PCDH15: variants seen among roughly 807,000 people sequenced by gnomAD.
The protein encoded by PCDH15 is protocadherin related 15.
A neutral mutation model predicts 178.5 loss-of-function variants in PCDH15; 129 were observed. That is an observed-to-expected ratio of 0.72 (90% CI 0.63 to 0.84). The LOEUF (loss-of-function observed/expected upper bound fraction) is 0.84. Among genes scored for constraint, PCDH15 ranks in the 40% least tolerant of loss-of-function variants. The probability of loss-of-function intolerance (pLI) is 0.00; values close to 1 mark genes in which losing one functional copy is unlikely to be tolerated. For synonymous variants in PCDH15, 800 were observed against 732.0 expected, an observed-to-expected ratio of 1.09 and a Z score of -1.50; for missense variants, 2,230 against 2,099.9, an observed-to-expected ratio of 1.06 and a Z score of -1.21.
At chr10:54,811,000 G>A (rs1465454239) in intron 3 of PCDH15, among the ~76,000 whole-genome samples, 1 of 152,078 alleles carries the variant, frequency 6.6e-6, no homozygotes, top group Non-Finnish European at 1.5e-5. Flanking sequence ...AGTATCTGTA[G>A]AAATTCATAA....
intron 31 of PCDH15, 85 bp from the exon 32 acceptor site, chr10:53,827,633 A>C: frequency 4.0e-6 from 6 of 1,487,130 alleles, no homozygotes; most frequent in Non-Finnish European, 5.6e-6. Flanking sequence ...AATGGGGTCC[A>C]GTTATCAGGG....
At chr10:55,442,889 A>C (rs1020778454) in intron 2 of PCDH15, among the ~76,000 whole-genome samples, 1 of 152,058 alleles carries the variant, frequency 6.6e-6, no homozygotes, top group Non-Finnish European at 1.5e-5. Flanking sequence ...TTTTGTCCCA[A>C]TTTTAAAAAG....
intron 3 of PCDH15, among the ~76,000 whole-genome samples, chr10:54,475,312 T>C (rs1000002847): frequency 3.9e-5 from 6 of 151,990 alleles, no homozygotes; most frequent in African/African-American, 1.4e-4. Context: ...CTTAAAACTT[T>C]ATTTAAGAAC....
intron 15 of PCDH15, among the ~76,000 whole-genome samples, chr10:54,096,429 C>T (rs1022875864): frequency 6.6e-6 from 1 of 152,074 alleles, no homozygotes; most frequent in Non-Finnish European, 1.5e-5. Flanking sequence ...ATTTATCATA[C>T]TTCCTGTTTT....
At chr10:54,575,782 T>A (rs1442118388) in intron 2 of PCDH15, among the ~76,000 whole-genome samples, 1 of 152,204 alleles carries the variant, frequency 6.6e-6, no homozygotes, top group African/African-American at 2.4e-5. Flanking sequence ...TGTAAATTAG[T>A]TCTCAGACAC....
chr10:54,377,104 G>A (rs1314931616), intron 4 of PCDH15, among the ~76,000 whole-genome samples: 1 of 151,842 alleles, frequency 6.6e-6, no homozygotes, highest in Non-Finnish European at 1.5e-5. Context: ...ACAGCAAAAT[G>A]AACAGCATAA....
intron 18 of PCDH15, among the ~76,000 whole-genome samples, chr10:54,061,101 T>A (rs2094004308): frequency 6.6e-6 from 1 of 152,100 alleles, no homozygotes; most frequent in Non-Finnish European, 1.5e-5. Context: ...GCAGATTTGA[T>A]CAGAATATGA....
At chr10:54,997,115 A>G (rs934272036) in intron 2 of PCDH15, among the ~76,000 whole-genome samples, 6 of 151,644 alleles carry the variant, frequency 4.0e-5, no homozygotes, top group African/African-American at 1.2e-4. Flanking sequence ...TAGTCTCAAA[A>G]AAAAAAAAAA....
intron 9 of PCDH15, among the ~76,000 whole-genome samples, chr10:54,224,786 CTAA>C (rs1178139575): frequency 6.6e-6 from 1 of 151,952 alleles, no homozygotes; most frequent in Non-Finnish European, 1.5e-5. Flanking sequence ...TTCTTTTCAG[CTAA>C]TATGTTCTCT....
intron 3 of PCDH15, among the ~76,000 whole-genome samples, chr10:54,884,014 G>A (rs941419931): frequency 2.4e-4 from 37 of 151,912 alleles, no homozygotes; most frequent in East Asian, 1.9e-4. Context: ...AATGTAACAT[G>A]GGGAATTTAG....
chr10:55,582,622 A>C, intron 2 of PCDH15, among the ~76,000 whole-genome samples: 1 of 74,276 alleles, frequency 1.3e-5, no homozygotes, highest in South Asian at 5.0e-4. Flanking sequence ...ATATATATAT[A>C]TATATATTTT....
chr10:53,987,638 C>T lies in PCDH15; in HGVS notation c.2868+8011G>A, dbSNP rs908800045. ...TAAATAAATGTCATGTCCCCAGATG[C>T]CTCAGACACATGAAAATTAAAAGAG... is the stretch of plus-strand genomic sequence containing the variant. On this transcript the variant is annotated intron_variant, in intron 21 of 37. Transcript: ENST00000644397. 2.6e-5 allele frequency among the ~76,000 whole-genome samples: 4 copies of T among 152,034 alleles called. 1 individual carries two copies. The highest frequency in any genetic ancestry group is 2.6e-4 in the Admixed American group (4 of 15,260).
At chr10:54,885,077 T>C (rs1245937086) in intron 3 of PCDH15, among the ~76,000 whole-genome samples, 1 of 152,092 alleles carries the variant, frequency 6.6e-6, no homozygotes, top group Non-Finnish European at 1.5e-5. Context: ...TTTGTTTGTT[T>C]AACTCACAGC....
At chr10:54,855,102 C>T (rs998587275) in intron 3 of PCDH15, among the ~76,000 whole-genome samples, 4 of 152,314 alleles carry the variant, frequency 2.6e-5, no homozygotes, top group Middle Eastern at 3.4e-3. Context: ...CACCCGGGCT[C>T]GGGCCTGACT....
rs773843633 is a variant in PCDH15 at position 54,317,306 on chromosome 10, T to C, written c.841A>G (p.Thr281Ala). 6 of 1,613,866 alleles carry C rather than the reference T, an allele frequency of 3.7e-6. No individual in the cohort carries two copies. The East Asian group carries it at 1.1e-4, about 30-fold the overall frequency. The change falls in exon 8 of 38, where the codon ACT (threonine) becomes GCT (alanine). Residue 281 changes from threonine (T) to alanine (A), a missense_variant. By Grantham distance (58) the Thr-to-Ala change is moderately conservative (BLOSUM62 0). Coordinates refer to ENST00000644397, the MANE Select transcript of PCDH15 (RefSeq NM_001384140.1). ...AACTCAGGTATGGCAGCTTGATAAG[T>C]GAGTGGACGGCAATCACGAGTGTTT... ...VPNTRDCRPL[T>A]YQAAIPELRT...
chr10:53,928,597 T>C (rs1169498295), intron 25 of PCDH15, among the ~76,000 whole-genome samples: 1 of 152,052 alleles, frequency 6.6e-6, no homozygotes, highest in African/African-American at 2.4e-5. Flanking sequence ...TCTGCAAAGG[T>C]TGTTATTTCT....
intron 1 of PCDH15, among the ~76,000 whole-genome samples, chr10:55,178,359 G>A (rs1299712238): frequency 6.6e-6 from 1 of 152,100 alleles, no homozygotes; most frequent in African/African-American, 2.4e-5. Flanking sequence ...TTCTTCTGAG[G>A]AAATAGAATG....
chr10:53,855,310 G>C (rs1294392284), intron 28 of PCDH15, among the ~76,000 whole-genome samples: 2 of 152,030 alleles, frequency 1.3e-5, no homozygotes, highest in Non-Finnish European at 2.9e-5. Flanking sequence ...GAGAAAGCCT[G>C]TCTCAATAGG....
intron 2 of PCDH15, among the ~76,000 whole-genome samples, chr10:55,508,885 T>A (rs775992254): frequency 1.5e-4 from 22 of 151,712 alleles, no homozygotes; most frequent in Non-Finnish European, 2.8e-4. Context: ...CTGTCAAATT[T>A]TCCTACATAA....
Sources: allele counts gnomAD v4.1 joint callset (sites outside exome capture counted in the v4.1 genomes callset), GRCh38; gene constraint gnomAD v4.1.1; transcripts MANE v1.5; gene names NCBI Gene and HGNC (gene_info 2026-07-23, HGNC 2026-07-21).